The following RIN2 variants were observed in gnomAD, a reference collection of about 807,000 sequenced individuals.
RIN2 encodes the protein RAB5 interacting protein 2.
RIN2 carries 36 observed loss-of-function variants against 78.0 expected under a neutral mutation model. The observed-to-expected ratio is 0.46, with a 90% confidence interval of 0.35 to 0.61. RIN2 has a LOEUF of 0.61. RIN2 is among the 20% of genes least tolerant of loss of function. RIN2 has a pLI of 0.00. For missense variants in RIN2, 1,087 were observed against 1,159.7 expected, an observed-to-expected ratio of 0.94 and a Z score of 0.91; for synonymous variants, 466 against 466.8, an observed-to-expected ratio of 1.00 and a Z score of 0.02.
At chr20:19,858,050 T>C (rs1324584794) in intron 2 of RIN2, among the ~76,000 whole-genome samples, 1 of 152,204 alleles carries the variant, frequency 6.6e-6, no homozygotes, top group Admixed American at 6.5e-5. Flanking sequence ...CACTTTTTAA[T>C]GATGTGTTTT....
At chr20:19,929,669 C>T (rs114662978) in intron 3 of RIN2, among the ~76,000 whole-genome samples, 1 of 152,148 alleles carries the variant, frequency 6.6e-6, no homozygotes, top group African/African-American at 2.4e-5. Context: ...GCCTGTAGCA[C>T]CAACTGCTAT....
chr20:19,892,292 C>G (rs2038506440), intron 3 of RIN2, among the ~76,000 whole-genome samples: 1 of 152,200 alleles, frequency 6.6e-6, no homozygotes, highest in African/African-American at 2.4e-5. Context: ...TCTCGGCTCA[C>G]TGCAACCTCT....
chr20:19,920,650 G>A (rs2039878016), intron 3 of RIN2, among the ~76,000 whole-genome samples: 1 of 152,188 alleles, frequency 6.6e-6, no homozygotes, highest in Non-Finnish European at 1.5e-5. Context: ...GCTCTGCAGT[G>A]TAATTTCAAA....
chr20:19,886,614 T>TTTTC, intron 2 of RIN2: 1 of 157,958 alleles, frequency 6.3e-6, no homozygotes, highest in Non-Finnish European at 1.1e-5. Flanking sequence ...TTCTTCTTCT[T>TTTTC]TTTTTTTTTT....
intron 4 of RIN2, among the ~76,000 whole-genome samples, chr20:19,948,404 A>AT (rs746575432): frequency 1.2e-4 from 18 of 152,100 alleles, no homozygotes; most frequent in Non-Finnish European, 7.4e-5. Flanking sequence ...ACATATACAT[A>AT]TTTTTTTGGA....
chr20:19,759,912 C>T (rs1478443028), intron 1 of RIN2, among the ~76,000 whole-genome samples: 1 of 152,164 alleles, frequency 6.6e-6, no homozygotes, highest in African/African-American at 2.4e-5. Flanking sequence ...CATATCCAGT[C>T]TCCCTCCCCC....
rs1201451451 is a variant in RIN2 at position 19,889,571 on chromosome 20, C to G, written c.-31C>G. 1 of 1,548,106 alleles carries G rather than the reference C, an allele frequency of 6.5e-7. No homozygotes were observed. Among genetic ancestry groups the G allele is most frequent in the Non-Finnish European group, 8.7e-7 (1 of 1,144,862 alleles). On this transcript the variant is annotated 5_prime_UTR_variant, in exon 3 of 13. Transcript: ENST00000255006. ...AAAAATGTCTCTACCTTCAGGAGTC[C>G]CCGGCGTGCAGTGGAGCCTCGCTGG... is the stretch of plus-strand genomic sequence containing the variant.
At chr20:19,959,060 T>C (rs1485869710) in intron 5 of RIN2, among the ~76,000 whole-genome samples, 1 of 152,160 alleles carries the variant, frequency 6.6e-6, no homozygotes, top group East Asian at 1.9e-4. Flanking sequence ...AAGTAAACTA[T>C]TTTTGGCTTT....
intron 4 of RIN2, among the ~76,000 whole-genome samples, chr20:19,942,355 A>T (rs1398958770): frequency 6.6e-6 from 1 of 152,230 alleles, no homozygotes; most frequent in East Asian, 1.9e-4. Flanking sequence ...TCATTAACGA[A>T]TAAGAAGTGT....
At chr20:19,812,453 T>A (rs1022537529) in intron 2 of RIN2, among the ~76,000 whole-genome samples, 1 of 152,218 alleles carries the variant, frequency 6.6e-6, no homozygotes, top group Non-Finnish European at 1.5e-5. Flanking sequence ...AGCCTTTCCC[T>A]ACAGACTAAT....
chr20:19,972,575 A>G (rs114814890), intron 8 of RIN2, among the ~76,000 whole-genome samples: 66 of 152,346 alleles, frequency 4.3e-4, no homozygotes, highest in African/African-American at 1.5e-3. Flanking sequence ...CTGTTCATCA[A>G]ACTAATATTC....
intron 2 of RIN2, among the ~76,000 whole-genome samples, chr20:19,858,125 T>TAAA (rs370595938): frequency 0.11 from 16,842 of 151,326 alleles, 1,106 homozygotes; most frequent in Non-Finnish European, 0.15. Context: ...TGTCTTTTTT[T>TAAA]AAAAAAAAAT....
At chr20:19,827,750 C>G (rs907161039) in intron 2 of RIN2, among the ~76,000 whole-genome samples, 1 of 151,660 alleles carries the variant, frequency 6.6e-6, no homozygotes, top group East Asian at 1.9e-4. Flanking sequence ...AGGTGTTCAG[C>G]TGATGTAAAT....
At chr20:19,987,393 A>G (rs1056147811) in intron 9 of RIN2, among the ~76,000 whole-genome samples, 2 of 152,254 alleles carry the variant, frequency 1.3e-5, no homozygotes, top group Admixed American at 1.3e-4. Flanking sequence ...GATGAGAGGA[A>G]TAAACTGGCG....
At chr20:19,821,724 A>G (rs1268419871) in intron 2 of RIN2, among the ~76,000 whole-genome samples, 1 of 152,096 alleles carries the variant, frequency 6.6e-6, no homozygotes, top group Non-Finnish European at 1.5e-5. Context: ...GGCTCAACTC[A>G]GAGGCTACTT....
chr20:19,933,664 A>G (rs1332344730), intron 3 of RIN2, among the ~76,000 whole-genome samples: 2 of 152,172 alleles, frequency 1.3e-5, no homozygotes, highest in African/African-American at 4.8e-5. Flanking sequence ...ACATTTTAGA[A>G]CAAGCTTTAA....
chr20:19,854,892 C>T (rs1336103122), intron 2 of RIN2, among the ~76,000 whole-genome samples: 2 of 152,158 alleles, frequency 1.3e-5, no homozygotes, highest in African/African-American at 4.8e-5. Context: ...TGCCTGATTG[C>T]CCTGGCCAGA....
chr20:19,889,714 G>C, intron 3 of RIN2, 56 bp downstream of exon 3: 2 of 1,330,850 alleles, frequency 1.5e-6, no homozygotes, highest in Non-Finnish European at 1.0e-6. Context: ...CTGAGCCTGG[G>C]AGCTGCGGTG....
At chr20:19,843,958 CATAACTTTTAA>C (rs1015579640) in intron 2 of RIN2, among the ~76,000 whole-genome samples, 4 of 152,150 alleles carry the variant, frequency 2.6e-5, no homozygotes, top group African/African-American at 9.7e-5. Flanking sequence ...ATTAACTATT[CATAACTTTTAA>C]AAACAACATG....
Sources: allele counts gnomAD v4.1 joint callset (sites outside exome capture counted in the v4.1 genomes callset), GRCh38; gene constraint gnomAD v4.1.1; transcripts MANE v1.5; gene names NCBI Gene and HGNC (gene_info 2026-07-23, HGNC 2026-07-21).